The following TRPS1 variants were observed in gnomAD, a reference collection of about 807,000 sequenced individuals.
TRPS1 encodes transcriptional repressor GATA binding 1.
Under a neutral mutation model 101.2 loss-of-function variants are expected in TRPS1, and 6 were observed. The observed-to-expected ratio is 0.06, with a 90% confidence interval of 0.03 to 0.12. The LOEUF is 0.12. TRPS1 is among the 10% of genes least tolerant of loss of function. The pLI, the probability that TRPS1 is intolerant of heterozygous loss-of-function variation, is 1.00. For synonymous variants in TRPS1, 578 were observed against 589.8 expected (o/e 0.98, Z 0.29); for missense variants, 1,363 against 1,567.0 (o/e 0.87, Z 2.20).
At chr8:115,515,514 A>C (rs1206623525) in intron 5 of TRPS1, among the ~76,000 whole-genome samples, 4 of 151,532 alleles carry the variant, frequency 2.6e-5, no homozygotes, top group Non-Finnish European at 5.9e-5. Context: ...CTAAATCAGG[A>C]CACAGTAAAT....
intron 3 of TRPS1, among the ~76,000 whole-genome samples, chr8:115,614,478 A>T (rs1046639138): frequency 2.6e-5 from 4 of 152,338 alleles, no homozygotes; most frequent in Non-Finnish European, 5.9e-5. Context: ...GGGTGGCTAC[A>T]TTATTTAGCT....
intron 5 of TRPS1, among the ~76,000 whole-genome samples, chr8:115,551,863 C>T (rs933767555): frequency 3.3e-5 from 5 of 152,276 alleles, no homozygotes; most frequent in Admixed American, 1.3e-4. Context: ...TCCCCTTTAT[C>T]GCTGGCTTGC....
chr8:115,588,427 C>CTT (rs985342481), intron 4 of TRPS1, among the ~76,000 whole-genome samples: 2 of 152,096 alleles, frequency 1.3e-5, no homozygotes, highest in African/African-American at 4.8e-5. Context: ...ATAATAGAGG[C>CTT]TTTACAAATA....
intron 3 of TRPS1, among the ~76,000 whole-genome samples, chr8:115,616,666 T>TTA (rs1818283040): frequency 6.6e-6 from 1 of 152,206 alleles, no homozygotes; most frequent in East Asian, 1.9e-4. Context: ...AATTATGGAC[T>TTA]TATATATAAT....
intron 5 of TRPS1, among the ~76,000 whole-genome samples, chr8:115,455,778 T>TCTGTC (rs71287274): frequency 7.0e-6 from 1 of 143,148 alleles, no homozygotes; most frequent in South Asian, 2.3e-4. Flanking sequence ...TTTCTTTCTT[T>TCTGTC]TTTTTTTTTT....
rs886062615 is a variant in TRPS1, at chr8:115,411,694, T to C, written c.*2329A>G. On this transcript the variant is annotated 3_prime_UTR_variant, in exon 7 of 7. Transcript: ENST00000395715. ...ACTTCTTTATTTCAGTTTATGTGAA[T>C]ATTAGAGCTACGCGACAGGTGAGAT... 1 of 152,466 alleles carries C rather than the reference T, an allele frequency of 6.6e-6. No homozygotes were observed. Among genetic ancestry groups the C allele is most frequent in the Non-Finnish European group, 1.5e-5 (1 of 67,978 alleles). 9.4% of individuals were successfully genotyped at this position (152,466 alleles called of 1,614,324 possible). A position where few individuals can be genotyped will look rare whatever the true frequency, so the allele number is the denominator to read the frequency against.
intron 3 of TRPS1, among the ~76,000 whole-genome samples, chr8:115,618,786 T>C (rs1818323344): frequency 6.6e-6 from 1 of 152,216 alleles, no homozygotes; most frequent in Admixed American, 6.5e-5. Context: ...GCATGAATTA[T>C]TATCATGTGC....
chr8:115,489,008 T>C (rs1285781189), intron 5 of TRPS1, among the ~76,000 whole-genome samples: 1 of 152,196 alleles, frequency 6.6e-6, no homozygotes, highest in Non-Finnish European at 1.5e-5. Context: ...ATAGCTCTTA[T>C]GACTTTTAAA....
intron 5 of TRPS1, among the ~76,000 whole-genome samples, chr8:115,540,758 T>C (rs1169377316): frequency 1.3e-5 from 2 of 151,928 alleles, no homozygotes; most frequent in African/African-American, 4.8e-5. Flanking sequence ...CATAAACTTG[T>C]GCACATAATA....
At chr8:115,613,567 CCTGT>C (rs2130516939) in intron 3 of TRPS1, among the ~76,000 whole-genome samples, 1 of 152,320 alleles carries the variant, frequency 6.6e-6, no homozygotes, top group African/African-American at 2.4e-5. Flanking sequence ...GCTTCCGTGG[CCTGT>C]CTATCATGGT....
At chr8:115,502,214 C>T (rs1586339899) in intron 5 of TRPS1, among the ~76,000 whole-genome samples, 1 of 152,020 alleles carries the variant, frequency 6.6e-6, no homozygotes, top group Non-Finnish European at 1.5e-5. Flanking sequence ...TCAATTAAGT[C>T]ATGACACTCT....
At chr8:115,654,542 C>T (rs1225234208) in intron 1 of TRPS1, among the ~76,000 whole-genome samples, 1 of 152,094 alleles carries the variant, frequency 6.6e-6, no homozygotes, top group Non-Finnish European at 1.5e-5. Flanking sequence ...AAGAAACATC[C>T]ATTTCATGGA....
At chr8:115,642,094 G>A (rs1818912045) in intron 1 of TRPS1, among the ~76,000 whole-genome samples, 1 of 151,824 alleles carries the variant, frequency 6.6e-6, no homozygotes. Context: ...TGTGCCTGTA[G>A]TCCCAGCTAT....
Position 115,587,039 on chromosome 8 carries a change from C to T in TRPS1, c.2662G>A (p.Glu888Lys), listed in dbSNP as rs886062622. ...TGGGATTCATCCTTGGACTTGTTTT[C>T]TCCCGATGCAGGATACTGCTGGGGG... is the stretch of plus-strand genomic sequence containing the variant. The part of the protein sequence containing the change: ...ALPQQYPASG[E>K]NKSKDESQSL... Residue 888 changes from glutamate to lysine, a missense_variant, in exon 5 of 7, where the codon GAA becomes AAA. Glu to Lys is a moderately conservative substitution (Grantham distance 56). Around this residue, in one of 5 missense-constraint regions of TRPS1, gnomAD observed 1,020 missense variants for 1,073.0 expected, o/e 0.95. Coordinates refer to ENST00000395715, the MANE Select transcript of TRPS1 (RefSeq NM_014112.5). 5.0e-6 allele frequency: 8 copies of T among 1,614,192 alleles called. No individual in the cohort carries two copies. In the South Asian group the frequency reaches 7.7e-5, roughly 16 times the overall value.
At chr8:115,568,569 G>C (rs937031615) in intron 5 of TRPS1, among the ~76,000 whole-genome samples, 2 of 151,926 alleles carry the variant, frequency 1.3e-5, no homozygotes, top group African/African-American at 4.8e-5. Context: ...GATATTTTAT[G>C]CTCTAGTTTC....
At chr8:115,485,670 T>C (rs1248790137) in intron 5 of TRPS1, among the ~76,000 whole-genome samples, 1 of 152,086 alleles carries the variant, frequency 6.6e-6, no homozygotes, top group Non-Finnish European at 1.5e-5. Flanking sequence ...TTCACCACGA[T>C]CTATGCCAGT....
At chr8:115,515,346 A>G (rs979751949) in intron 5 of TRPS1, 17 of 678,662 alleles carry the variant, frequency 2.5e-5, no homozygotes, top group Non-Finnish European at 3.8e-5. Context: ...TTTAATGTGG[A>G]AAGAATTTAA....
At chr8:115,508,907 T>C (rs998081218) in intron 5 of TRPS1, among the ~76,000 whole-genome samples, 2 of 151,992 alleles carry the variant, frequency 1.3e-5, no homozygotes, top group Admixed American at 1.3e-4. Flanking sequence ...CTGCATACCC[T>C]GGAAACATTT....
At chr8:115,623,982 A>G (rs923231268) in intron 1 of TRPS1, among the ~76,000 whole-genome samples, 52 of 152,080 alleles carry the variant, frequency 3.4e-4, no homozygotes, top group Non-Finnish European at 5.0e-4. Flanking sequence ...AGTCATTTTC[A>G]TAACAGACTG....
Sources: allele counts gnomAD v4.1 joint callset (sites outside exome capture counted in the v4.1 genomes callset), GRCh38; gene constraint gnomAD v4.1.1; regional missense constraint gnomAD v4.1.1; transcripts MANE v1.5; gene names NCBI Gene and HGNC (gene_info 2026-07-23, HGNC 2026-07-21).